PCDHA11: variants seen among roughly 807,000 people sequenced by gnomAD.
PCDHA11 encodes protocadherin alpha 11.
Under a neutral mutation model 70.3 loss-of-function variants are expected in PCDHA11, and 61 were observed. The observed-to-expected ratio is 0.87, with a 90% CI of 0.71 to 1.07. The LOEUF (loss-of-function observed/expected upper bound fraction) is 1.07. Ranked by LOEUF, PCDHA11 falls within the 50% of genes least tolerant of loss-of-function variation. The pLI, the probability that PCDHA11 is intolerant of heterozygous loss-of-function variation, is 0.00. For missense variants in PCDHA11, 1,324 were observed against 1,237.5 expected, an observed-to-expected ratio of 1.07 and a Z score of -1.05; for synonymous variants, 633 against 555.1, an observed-to-expected ratio of 1.14 and a Z score of -1.97.
At chr5:140,980,152 C>T (rs1554241475) in intron 2 of PCDHA11, among the ~76,000 whole-genome samples, 1 of 152,040 alleles carries the variant, frequency 6.6e-6, no homozygotes, top group Admixed American at 6.6e-5. Flanking sequence ...CATGCATATA[C>T]CAGAATATTA....
intron 1 of PCDHA11, among the ~76,000 whole-genome samples, chr5:140,897,559 G>A (rs1554187454): frequency 6.6e-6 from 1 of 152,026 alleles, no homozygotes; most frequent in African/African-American, 2.4e-5. Context: ...TGGTGTATAT[G>A]TGCCACATTT....
At chr5:140,968,659 C>A (rs781863651) in intron 1 of PCDHA11, 6 of 1,614,160 alleles carry the variant, frequency 3.7e-6, no homozygotes, top group East Asian at 2.2e-5. Context: ...CTGACCTGGA[C>A]CTCTTTAAGG....
intron 3 of PCDHA11, among the ~76,000 whole-genome samples, chr5:140,989,670 C>T (rs907417768): frequency 6.6e-6 from 1 of 152,104 alleles, no homozygotes; most frequent in African/African-American, 2.4e-5. Flanking sequence ...GAAACTCTGC[C>T]CAGATTTCAA....
chr5:140,882,565 C>A (rs782122682), intron 1 of PCDHA11: 9 of 1,614,118 alleles, frequency 5.6e-6, no homozygotes, highest in African/African-American at 2.7e-5. Flanking sequence ...GTGGGCGGAG[C>A]GCGGAGTGCA....
chr5:140,883,339 C>G (rs142984869), intron 1 of PCDHA11: 2 of 1,614,172 alleles, frequency 1.2e-6, no homozygotes, highest in South Asian at 2.2e-5. Flanking sequence ...CTTTGTCACT[C>G]CCCATCAGAG....
At chr5:140,877,721 A>G in intron 1 of PCDHA11, 1 of 1,614,000 alleles carries the variant, frequency 6.2e-7, no homozygotes, top group East Asian at 2.2e-5. Context: ...AGTTGGTCTT[A>G]CTCGCAGCAG....
At chr5:140,943,718 C>G (rs2093552773) in intron 1 of PCDHA11, among the ~76,000 whole-genome samples, 1 of 152,020 alleles carries the variant, frequency 6.6e-6, no homozygotes, top group South Asian at 2.1e-4. Flanking sequence ...ATTTAAAGGT[C>G]TGAGAGAATG....
At position 140,880,762 on chromosome 5, in the gene PCDHA11, G is replaced by A. The variant is rs2153374847; in HGVS notation, c.2391+9268G>A. 3.9e-5 allele frequency among the ~76,000 whole-genome samples: 6 copies of A among 152,350 alleles called. No homozygotes were observed. The Middle Eastern group carries it at 0.014, about 345-fold the overall frequency. On this transcript the variant is annotated intron_variant, in intron 1 of 3. Coordinates refer to ENST00000398640, the MANE Select transcript of PCDHA11 (RefSeq NM_018902.5). ...GGATTGTCAGTGTAACTGCGTGTTGGAGGCTAAAAAGAATGTTAGAGGAGT... is the reference window on the plus strand; with the variant it reads ...GGATTGTCAGTGTAACTGCGTGTTGAAGGCTAAAAAGAATGTTAGAGGAGT...
At chr5:140,968,494 C>T in intron 1 of PCDHA11, 1 of 1,614,096 alleles carries the variant, frequency 6.2e-7, no homozygotes, top group Non-Finnish European at 8.5e-7. Flanking sequence ...ATGACCATGC[C>T]CCTCACATTC....
At chr5:140,886,638 C>T (rs1282922977) in intron 1 of PCDHA11, among the ~76,000 whole-genome samples, 4 of 151,738 alleles carry the variant, frequency 2.6e-5, no homozygotes, top group South Asian at 2.1e-4. Flanking sequence ...CCAGCCTGGC[C>T]AACATGGTGA....
chr5:140,883,962 T>G, intron 1 of PCDHA11: 3 of 1,613,126 alleles, frequency 1.9e-6, no homozygotes, highest in Non-Finnish European at 2.5e-6. Context: ...GCTCCGGCGC[T>G]GCTGACGCCC....
intron 1 of PCDHA11, among the ~76,000 whole-genome samples, chr5:140,894,788 T>C (rs1217718306): frequency 2.0e-5 from 3 of 152,160 alleles, no homozygotes; most frequent in Admixed American, 1.3e-4. Flanking sequence ...TTATTTGTCC[T>C]CTCCTTTAAA....
At chr5:140,935,255 C>T (rs914593610) in intron 1 of PCDHA11, among the ~76,000 whole-genome samples, 4 of 152,150 alleles carry the variant, frequency 2.6e-5, no homozygotes, top group African/African-American at 9.7e-5. Context: ...TAAAATACAT[C>T]ACATGTTTAT....
At chr5:140,927,694 G>A in intron 1 of PCDHA11, 1 of 1,614,202 alleles carries the variant, frequency 6.2e-7, no homozygotes, top group Non-Finnish European at 8.5e-7. Context: ...CAATGGGGAA[G>A]TCCAGTACTC....
At chr5:140,940,611 C>T (rs782735444) in intron 1 of PCDHA11, among the ~76,000 whole-genome samples, 1 of 152,144 alleles carries the variant, frequency 6.6e-6, no homozygotes. Flanking sequence ...CTGCTCCTGG[C>T]TCCTGCAAAT....
At chr5:140,924,894 C>CAA (rs782133089) in intron 1 of PCDHA11, among the ~76,000 whole-genome samples, 44 of 71,514 alleles carry the variant, frequency 6.2e-4, no homozygotes, top group African/African-American at 1.3e-3. Flanking sequence ...GAACCTGTCT[C>CAA]AAAAAAAAAA....
chr5:140,901,069 T>C (rs1175492593), intron 1 of PCDHA11, among the ~76,000 whole-genome samples: 2 of 152,186 alleles, frequency 1.3e-5, no homozygotes, highest in Admixed American at 6.5e-5. Context: ...GATTTTTTTT[T>C]CTATAGAGTT....
rs370831122 is a variant in PCDHA11, at chr5:140,966,962, G to C, written c.2392-11987G>C. On this transcript the variant is annotated intron_variant, in intron 1 of 3. Transcript: ENST00000398640. ...CGTGGGCAACGTGGCTCGCGCGCTG[G>C]GGCTTGAGCTGCGGCGCTTGGGGCC... The C allele has an allele frequency of 1.3e-5, 21 of 1,602,632 alleles. No individual in the cohort carries two copies. Among genetic ancestry groups the C allele is most frequent in the Admixed American group, 3.3e-5 (2 of 59,750 alleles).
rs782293908 is a variant in PCDHA11, at chr5:140,870,195, C to A, written c.1092C>A (p.Pro364=). 3.1e-6 allele frequency: 5 copies of A among 1,614,178 alleles called. No individual in the cohort carries two copies. In the South Asian group the frequency reaches 5.5e-5, roughly 18 times the overall value. Residue 364 remains proline (P), a synonymous_variant, in exon 1 of 4, where the codon CCC becomes CCA. Transcript: ENST00000398640. The part of the protein sequence containing the change: ...LSLPVREDAQ[P]STVIALISVS... ...TCCCAGTACGAGAGGACGCTCAGCC[C>A]AGCACGGTCATTGCCCTGATCAGCG...
Sources: allele counts gnomAD v4.1 joint callset (sites outside exome capture counted in the v4.1 genomes callset), GRCh38; gene constraint gnomAD v4.1.1; transcripts MANE v1.5; gene names NCBI Gene and HGNC (gene_info 2026-07-23, HGNC 2026-07-21).